The following PDS5A variants were observed in gnomAD, a reference collection of about 807,000 sequenced individuals.
PDS5A encodes the protein PDS5 cohesin associated factor A.
Under a neutral mutation model 167.1 loss-of-function variants are expected in PDS5A, and 42 were observed. That is an observed-to-expected ratio of 0.25 (90% CI 0.20 to 0.33). The LOEUF is 0.33. Ranked by LOEUF, PDS5A falls within the 10% of genes least tolerant of loss-of-function variation. The pLI is 1.00. For synonymous variants in PDS5A, 553 were observed against 554.6 expected (o/e 1.00, Z 0.04); for missense variants, 1,033 against 1,605.9 (o/e 0.64, Z 6.10).
intron 30 of PDS5A, among the ~76,000 whole-genome samples, chr4:39,842,521 A>G (rs1476218368): frequency 6.6e-6 from 1 of 152,158 alleles, no homozygotes; most frequent in Non-Finnish European, 1.5e-5. Context: ...AACTGATTTC[A>G]TATCTTGGGC....
intron 11 of PDS5A, among the ~76,000 whole-genome samples, chr4:39,907,919 T>G (rs1723539667): frequency 6.6e-6 from 1 of 152,042 alleles, no homozygotes; most frequent in African/African-American, 2.4e-5. Flanking sequence ...ATGGAGAAAA[T>G]CACAGGAAAA....
intron 32 of PDS5A, among the ~76,000 whole-genome samples, chr4:39,834,612 CTGTT>C (rs925825265): frequency 6.6e-6 from 1 of 152,174 alleles, no homozygotes; most frequent in African/African-American, 2.4e-5. Flanking sequence ...GAAAAAAAGA[CTGTT>C]TGAAATGGTT....
chr4:39,845,970 T>G lies in PDS5A; in HGVS notation c.3340-90A>C, dbSNP rs896090141. ...TATCTCAATAAGGCTTTTTAGGTAT[T>G]GTGCCTTGCAATAATAAATACACTT... is the stretch of plus-strand genomic sequence containing the variant. On this transcript the variant is annotated intron_variant, in intron 28 of 32. Coordinates refer to ENST00000303538, the MANE Select transcript of PDS5A (RefSeq NM_001100399.2). 1.1e-5 allele frequency: 12 copies of G among 1,062,224 alleles called. No homozygotes were observed. The Admixed American group carries it at 1.9e-4, about 16-fold the overall frequency. The allele number at this position is 1,062,224 out of a possible 1,614,324, so 65.8% of individuals were successfully genotyped here.
chr4:39,969,151 T>C (rs1040326634), intron 2 of PDS5A, among the ~76,000 whole-genome samples: 5 of 152,242 alleles, frequency 3.3e-5, no homozygotes, highest in African/African-American at 1.2e-4. Context: ...ATGGTTTTAA[T>C]ATTTGTCAAT....
intron 2 of PDS5A, among the ~76,000 whole-genome samples, chr4:39,936,520 C>T (rs185653270): frequency 3.3e-5 from 5 of 152,096 alleles, no homozygotes; most frequent in East Asian, 1.9e-4. Context: ...TTATAACCTC[C>T]GCCTCCTGGG....
At chr4:39,973,514 A>G in intron 2 of PDS5A, 1 of 1,276,444 alleles carries the variant, frequency 7.8e-7, no homozygotes, top group Non-Finnish European at 1.1e-6. Context: ...CGTCTCCAGA[A>G]AGAGTTTTCT....
In PDS5A at chr4:39,977,112, G is replaced by A. The variant is rs889408475; in HGVS notation, c.-41+345C>T. The stretch of plus-strand genomic sequence containing the variant: ...GGGAACAAAACGCCCTTGCCCAGCC[G>A]AGCCTCGGACCCGGGGTAGTCCCCG... On this transcript the variant is annotated intron_variant, in intron 1 of 32. Coordinates refer to ENST00000303538, the MANE Select transcript of PDS5A (RefSeq NM_001100399.2). The surrounding 1 kb of genome is among the most constrained non-coding windows in gnomAD (Gnocchi z 4.2). Among the ~76,000 whole-genome samples the A allele has an allele frequency of 1.3e-5, 2 of 152,174 alleles. No individual in the cohort carries two copies. The highest frequency in any genetic ancestry group is 4.8e-5 in the African/African-American group (2 of 41,452).
intron 13 of PDS5A, among the ~76,000 whole-genome samples, chr4:39,901,566 G>A (rs984039205): frequency 9.2e-5 from 14 of 151,944 alleles, no homozygotes; most frequent in African/African-American, 2.7e-4. Context: ...CTCCACGTCC[G>A]GCCTAAAAAT....
At chr4:39,845,672 G>T in intron 29 of PDS5A, 146 bp downstream of exon 29, 1 of 904,240 alleles carries the variant, frequency 1.1e-6, no homozygotes, top group African/African-American at 1.7e-5. Flanking sequence ...CTAAAAGCAT[G>T]GCTGCTTTAG....
At chr4:39,900,339 CTT>C (rs1311259562) in intron 14 of PDS5A, 85 bp downstream of exon 14, 1 of 776,218 alleles carries the variant, frequency 1.3e-6, no homozygotes, top group Admixed American at 2.2e-5. Flanking sequence ...AACTGAGATA[CTT>C]TTTCCCTGCT....
chr4:39,928,199 T>A, intron 2 of PDS5A, 35 bp from the exon 3 acceptor site: 1 of 1,363,116 alleles, frequency 7.3e-7, no homozygotes, highest in Non-Finnish European at 1.0e-6. Flanking sequence ...AATAATTAAC[T>A]CCTGGAATTT....
chr4:39,902,527 T>TC, intron 12 of PDS5A, 67 bp from the exon 13 acceptor site: 6 of 775,942 alleles, frequency 7.7e-6, no homozygotes, highest in South Asian at 1.9e-5. Flanking sequence ...AAGCAATTTT[T>TC]TTTTTTTTTT....
At chr4:39,904,294 T>C in intron 11 of PDS5A, 103 bp from the exon 12 acceptor site, 1 of 595,110 alleles carries the variant, frequency 1.7e-6, no homozygotes, top group East Asian at 3.2e-5. Flanking sequence ...TATGTGTGCC[T>C]TTATAAACTG....
At chr4:39,938,486 G>A (rs1313596246) in intron 2 of PDS5A, among the ~76,000 whole-genome samples, 3 of 151,600 alleles carry the variant, frequency 2.0e-5, no homozygotes, top group Non-Finnish European at 4.4e-5. Context: ...ACCGGGAGGC[G>A]GAGGTTGTAG....
In PDS5A at chr4:39,833,145, C is replaced by T. The variant is rs575461148; in HGVS notation, c.4010+4711G>A. ...GGCAGAGGTTGCAGTGAGCTGAGAT[C>T]GTGTCGTTGCACTCCAGCCTGGGCC... On this transcript the variant is annotated intron_variant, in intron 32 of 32. Transcript: ENST00000303538. 2.5e-5 allele frequency among the ~76,000 whole-genome samples: 3 copies of T among 117,896 alleles called. No homozygotes were observed. The East Asian group carries it at 8.3e-4, about 32-fold the overall frequency. 77.3% of individuals were successfully genotyped at this position (117,896 alleles called of 152,430 possible). A position where few individuals can be genotyped will look rare whatever the true frequency, so the allele number is the denominator to read the frequency against.
At position 39,949,140 on chromosome 4, in the gene PDS5A, A is replaced by AG. The variant is rs1049864570; in HGVS notation, c.139-20977_139-20976insC. Among the ~76,000 whole-genome samples, 10 of 107,538 alleles carry AG rather than the reference A, an allele frequency of 9.3e-5. No individual in the cohort carries two copies. The Middle Eastern group carries it at 0.022, about 239-fold the overall frequency. The allele number at this position is 107,538 out of a possible 152,430, so 70.5% of individuals were successfully genotyped here. ...AAACCCTGTCTCTACAAAAAACACC[A>AG]AAAAAAAAAAAGATAGCCAGGTGTG... On this transcript the variant is annotated intron_variant, in intron 2 of 32. Transcript: ENST00000303538.
At chr4:39,927,150 C>CA (rs1725549627) in intron 3 of PDS5A, among the ~76,000 whole-genome samples, 1 of 152,212 alleles carries the variant, frequency 6.6e-6, no homozygotes, top group Non-Finnish European at 1.5e-5. Context: ...ATCGTGCTTT[C>CA]ACTTTACTCA....
At chr4:39,936,891 G>A (rs1274486503) in intron 2 of PDS5A, 1 of 152,202 alleles carries the variant, frequency 6.6e-6, no homozygotes, top group Non-Finnish European at 1.5e-5. Flanking sequence ...ATAACAAGGT[G>A]GAAGAAAAGT....
Position 39,845,882 on chromosome 4 carries a change from T to C in PDS5A, c.3340-2A>G. On this transcript the variant is annotated splice_acceptor_variant, in intron 28 of 32. Transcript: ENST00000303538. LOFTEE classifies it high-confidence loss of function. The stretch of plus-strand genomic sequence containing the variant: ...ATAACTCTTATCGTTACAGAAGTCC[T>C]ATTAAAAAAAAAAAAGAAAAAGAAA... The C allele has an allele frequency of 7.5e-7, 1 of 1,330,092 alleles. No individual in the cohort carries two copies. The highest frequency in any genetic ancestry group is 9.8e-7 in the Non-Finnish European group (1 of 1,025,470). 82.4% of individuals were successfully genotyped at this position (1,330,092 alleles called of 1,614,324 possible).
Sources: allele counts gnomAD v4.1 joint callset (sites outside exome capture counted in the v4.1 genomes callset), GRCh38; gene constraint gnomAD v4.1.1; non-coding constraint Gnocchi (gnomAD v3.1); transcripts MANE v1.5; gene names NCBI Gene and HGNC (gene_info 2026-07-23, HGNC 2026-07-21).